The following CC2D2A variants were observed in gnomAD, a reference collection of about 807,000 sequenced individuals.
CC2D2A encodes the protein coiled-coil and C2 domain containing 2A.
Under a neutral mutation model 212.9 loss-of-function variants are expected in CC2D2A, and 155 were observed. The observed-to-expected ratio is 0.73, with a 90% confidence interval of 0.64 to 0.83. The LOEUF is 0.83. CC2D2A is among the 40% of genes least tolerant of loss of function. The pLI is 0.00. For synonymous variants in CC2D2A, 667 were observed against 686.5 expected, an observed-to-expected ratio of 0.97 and a Z score of 0.44; for missense variants, 1,856 against 1,956.2, an observed-to-expected ratio of 0.95 and a Z score of 0.97.
chr4:15,587,921 A>G lies in CC2D2A; in HGVS notation c.4171A>G (p.Ile1391Val), dbSNP rs1396122330. ...KKAWLLMGNA[I>V]PEGPTAYVLT... is the part of the protein sequence containing the mutation. ...GGCCTGGCTGTTGATGGGCAATGCT[A>G]TTCCTGAGGTAAGACCACATAGGCT... The change falls in exon 32 of 37, where the codon ATT becomes GTT. Residue 1391 changes from isoleucine (I) to valine (V), a missense_variant. By Grantham distance (29) the Ile-to-Val change is conservative (BLOSUM62 3). Transcript: ENST00000424120. 3.7e-6 allele frequency: 6 copies of G among 1,600,764 alleles called. No homozygotes were observed. In the African/African-American group the frequency reaches 5.4e-5, roughly 14 times the overall value.
intron 4 of CC2D2A, among the ~76,000 whole-genome samples, chr4:15,489,832 G>C (rs1715201256): frequency 6.6e-6 from 1 of 152,048 alleles, no homozygotes; most frequent in Admixed American, 6.6e-5. Context: ...TCCTACTTTT[G>C]TACTTGGCTT....
intron 33 of CC2D2A, among the ~76,000 whole-genome samples, chr4:15,592,754 A>T (rs1218089561): frequency 6.6e-6 from 1 of 152,134 alleles, no homozygotes; most frequent in Non-Finnish European, 1.5e-5. Flanking sequence ...AGAAGTGATA[A>T]ATCTGTAACC....
intron 19 of CC2D2A, among the ~76,000 whole-genome samples, chr4:15,553,755 C>G (rs1162122660): frequency 6.6e-6 from 1 of 152,180 alleles, no homozygotes; most frequent in Non-Finnish European, 1.5e-5. Flanking sequence ...CTACTCAGAA[C>G]AGAAGAAAGG....
chr4:15,542,194 G>A (rs1718490594), intron 17 of CC2D2A, among the ~76,000 whole-genome samples: 1 of 152,036 alleles, frequency 6.6e-6, no homozygotes, highest in African/African-American at 2.4e-5. Context: ...TCCAAATTAG[G>A]TCGCATTCTG....
At chr4:15,502,788 T>C in intron 5 of CC2D2A, 34 bp from the exon 6 acceptor site, 8 of 1,534,100 alleles carry the variant, frequency 5.2e-6, no homozygotes, top group Non-Finnish European at 5.4e-6. Flanking sequence ...ATTCCTGACA[T>C]CATGTAGCAG....
chr4:15,483,711 G>T (rs1222765618), intron 4 of CC2D2A, among the ~76,000 whole-genome samples: 1 of 152,030 alleles, frequency 6.6e-6, no homozygotes, highest in Non-Finnish European at 1.5e-5. Flanking sequence ...CTATGCAATT[G>T]GGCTCCTTCC....
chr4:15,512,136 GA>G (rs1716601523), intron 8 of CC2D2A, among the ~76,000 whole-genome samples: 1 of 152,184 alleles, frequency 6.6e-6, no homozygotes, highest in Non-Finnish European at 1.5e-5. Context: ...CAGCTGCTGT[GA>G]AAAACAGTAT....
At chr4:15,470,212 G>A (rs770432766) in intron 1 of CC2D2A, 155 bp downstream of exon 1, 7 of 152,140 alleles carry the variant, frequency 4.6e-5, no homozygotes, top group Non-Finnish European at 7.3e-5. Context: ...TTTACTTTCT[G>A]AAATGGGAAC....
In CC2D2A at chr4:15,567,751, C is replaced by T. The variant is rs1260226165; in HGVS notation, c.3363C>T (p.Asn1121=). Residue 1121 remains asparagine, a synonymous_variant, in exon 26 of 37, where the codon AAC becomes AAT. Coordinates refer to ENST00000424120, the MANE Select transcript of CC2D2A (RefSeq NM_001378615.1). ...VCHTTTAEGP[N]PSWNEELELP... Reference sequence around the variant, plus strand: ...ATACGACTACGGCTGAAGGACCAAACCCTAGCTGGAATGAAGAACTAGAAC... The same window carrying T: ...ATACGACTACGGCTGAAGGACCAAATCCTAGCTGGAATGAAGAACTAGAAC... The T allele has an allele frequency of 2.5e-6, 4 of 1,600,978 alleles. No individual in the cohort carries two copies. The highest frequency in any genetic ancestry group is 1.8e-5 in the Admixed American group (1 of 55,970).
chr4:15,596,390 A>G (rs980878462), intron 34 of CC2D2A, among the ~76,000 whole-genome samples, 183 bp downstream of exon 34: 3 of 151,668 alleles, frequency 2.0e-5, no homozygotes, highest in African/African-American at 7.3e-5. Flanking sequence ...GGACCAGTAT[A>G]CACATCTTAC....
At chr4:15,477,454 C>T (rs376050907) in intron 2 of CC2D2A, among the ~76,000 whole-genome samples, 1 of 152,070 alleles carries the variant, frequency 6.6e-6, no homozygotes, top group Admixed American at 6.5e-5. Context: ...ATGGAACTTA[C>T]GTTCTATCTT....
At chr4:15,587,689 T>G in intron 31 of CC2D2A, 127 bp from the exon 32 acceptor site, 1 of 492,888 alleles carries the variant, frequency 2.0e-6, no homozygotes, top group South Asian at 3.6e-5. Flanking sequence ...GTATCAAAAT[T>G]TCGGGCAAGA....
At chr4:15,567,189 G>T (rs2109069856) in intron 24 of CC2D2A, among the ~76,000 whole-genome samples, 188 bp from the exon 25 acceptor site, 1 of 152,142 alleles carries the variant, frequency 6.6e-6, no homozygotes, top group Non-Finnish European at 1.5e-5. Flanking sequence ...AGGCTGAGGT[G>T]GGAGGATCAC....
At chr4:15,559,660 G>A (rs555499151) in intron 22 of CC2D2A, among the ~76,000 whole-genome samples, 13 of 122,020 alleles carry the variant, frequency 1.1e-4, no homozygotes, top group Middle Eastern at 3.8e-3. Flanking sequence ...ACATCCTTTC[G>A]TTTGTCCTTT....
chr4:15,598,340 C>A (rs1038583159), intron 35 of CC2D2A, among the ~76,000 whole-genome samples: 1 of 152,198 alleles, frequency 6.6e-6, no homozygotes, highest in Admixed American at 6.5e-5. Flanking sequence ...CTAGCTAGGT[C>A]TCTAAACCCA....
chr4:15,543,985 TC>T (rs768717392), intron 17 of CC2D2A: 29 of 152,244 alleles, frequency 1.9e-4, no homozygotes, highest in Non-Finnish European at 3.2e-4. Context: ...GAGCAGCCTT[TC>T]TTAGCCAGGG....
At chr4:15,521,800 T>C (rs1717218839) in intron 11 of CC2D2A, among the ~76,000 whole-genome samples, 1 of 152,228 alleles carries the variant, frequency 6.6e-6, no homozygotes, top group South Asian at 2.1e-4. Flanking sequence ...TCTATGCCTA[T>C]CTCTGACTCA....
In CC2D2A at chr4:15,586,147, G is replaced by A; in HGVS notation, c.3976-10G>A. ...AAATTATTTTTGTAAAGCTCATTTT[G>A]ATTATACAGGAACTGGTGGCTCGAT... On this transcript the variant is annotated splice_polypyrimidine_tract_variant and intron_variant, in intron 30 of 36. Transcript: ENST00000424120. 1 of 1,597,210 alleles carries A rather than the reference G, an allele frequency of 6.3e-7. No individual in the cohort carries two copies. Among genetic ancestry groups the A allele is most frequent in the South Asian group, 1.1e-5 (1 of 89,858 alleles).
chr4:15,588,457 G>C (rs372949509), intron 32 of CC2D2A, among the ~76,000 whole-genome samples: 1 of 152,096 alleles, frequency 6.6e-6, no homozygotes, highest in East Asian at 1.9e-4. Context: ...TTAGATTGGA[G>C]ACTATTAGAA....
Sources: gnomAD v4.1 joint callset for allele counts (sites outside exome capture counted in the v4.1 genomes callset) on GRCh38, gnomAD v4.1.1 for gene constraint, MANE v1.5 for transcripts, NCBI Gene and HGNC (gene_info 2026-07-23, HGNC 2026-07-21) for gene names.